The following TTC39C variants were observed in gnomAD, a reference collection of about 807,000 sequenced individuals.
TTC39C encodes tetratricopeptide repeat protein 39C.
TTC39C carries 33 observed loss-of-function variants against 76.3 expected under a neutral mutation model. The ratio of observed to expected loss-of-function variants is 0.43; its 90% confidence interval spans 0.33 to 0.58. The LOEUF (loss-of-function observed/expected upper bound fraction) is 0.58, where lower values mean the gene tolerates loss of function less well. Ranked by LOEUF, TTC39C falls within the 20% of genes least tolerant of loss-of-function variation. The pLI, the probability that TTC39C is intolerant of heterozygous loss-of-function variation, is 0.04. For synonymous variants in TTC39C, 254 were observed against 260.6 expected, an observed-to-expected ratio of 0.97 and a Z score of 0.24; for missense variants, 595 against 701.4, an observed-to-expected ratio of 0.85 and a Z score of 1.71.
In TTC39C at chr18:24,061,593, T is replaced by TAAAAAAA. The variant is rs35502981; in HGVS notation, c.168-2530_168-2524dup. 1.4e-4 allele frequency among the ~76,000 whole-genome samples: 13 copies of TAAAAAAA among 95,780 alleles called. 1 individual carries two copies. The highest frequency in any genetic ancestry group is 3.9e-4 in the Admixed American group (3 of 7,746). 62.8% of individuals were successfully genotyped at this position (95,780 alleles called of 152,430 possible). ...TTAACTTAGGATCACTTGAAATAAG[T>TAAAAAAA]AAAAAAAAAAAAAAAAAAAAAAAGC... On this transcript the variant is annotated intron_variant, in intron 1 of 13. Transcript: ENST00000317571.
At chr18:24,091,338 A>G (rs12455015) in intron 6 of TTC39C, among the ~76,000 whole-genome samples, 2,321 of 152,266 alleles carry the variant, frequency 0.015, 39 homozygotes, top group East Asian at 0.097. Flanking sequence ...GCTATTCAGG[A>G]GGCTGAGGTG....
chr18:24,023,124 A>G (rs1173578035), intron 1 of TTC39C, among the ~76,000 whole-genome samples: 2 of 152,176 alleles, frequency 1.3e-5, no homozygotes, highest in African/African-American at 4.8e-5. Flanking sequence ...TGCAGTCAGC[A>G]AGTGCAGCCC....
At chr18:24,082,776 G>C (rs758044629) in intron 5 of TTC39C, 137 bp from the exon 6 acceptor site, 52 of 872,932 alleles carry the variant, frequency 6.0e-5, no homozygotes, top group Non-Finnish European at 8.3e-5. Context: ...GAAAGTCTCT[G>C]ATTTTACTTC....
chr18:24,093,304 C>T (rs982882146), intron 6 of TTC39C, among the ~76,000 whole-genome samples: 18 of 152,010 alleles, frequency 1.2e-4, no homozygotes, highest in African/African-American at 7.2e-5. Flanking sequence ...ATGGTGAAAC[C>T]CCGTCTCTAC....
At chr18:24,120,580 G>A (rs965491342) in intron 8 of TTC39C, among the ~76,000 whole-genome samples, 1 of 152,010 alleles carries the variant, frequency 6.6e-6, no homozygotes, top group Admixed American at 6.6e-5. Context: ...AACTTTTTTA[G>A]GTGTATGTGT....
chr18:24,004,875 A>C (rs1227869374), intron 1 of TTC39C, among the ~76,000 whole-genome samples: 1 of 152,188 alleles, frequency 6.6e-6, no homozygotes, highest in Non-Finnish European at 1.5e-5. Context: ...ACTCTTTCTC[A>C]TAAGGGGCTC....
intron 6 of TTC39C, among the ~76,000 whole-genome samples, chr18:24,085,704 G>T (rs1389602595): frequency 6.6e-6 from 1 of 152,226 alleles, no homozygotes; most frequent in African/African-American, 2.4e-5. Flanking sequence ...GAGGGTAGGT[G>T]CTAGAACTCC....
At chr18:24,102,336 C>G (rs16940484) in intron 6 of TTC39C, among the ~76,000 whole-genome samples, 1 of 152,006 alleles carries the variant, frequency 6.6e-6, no homozygotes, top group Non-Finnish European at 1.5e-5. Context: ...TATTCATTCA[C>G]GTGGAGATGC....
chr18:24,031,529 C>A (rs968256941), intron 1 of TTC39C, among the ~76,000 whole-genome samples: 19 of 152,156 alleles, frequency 1.2e-4, no homozygotes, highest in African/African-American at 4.6e-4. Context: ...GCTCTTGGCA[C>A]CTCTCTCACC....
In TTC39C at chr18:24,069,101, G is replaced by A. The variant is rs2084204781; in HGVS notation, c.346-56G>A. On this transcript the variant is annotated intron_variant, in intron 3 of 13. Coordinates refer to ENST00000317571, the MANE Select transcript of TTC39C (RefSeq NM_001135993.2). The stretch of plus-strand genomic sequence containing the variant: ...GTACAATAACCTGATACTGTTTGGG[G>A]GAACTGTCGTTGTTATGTGTGATTT... 5 of 1,337,712 alleles carry A rather than the reference G, an allele frequency of 3.7e-6. 1 individual carries two copies. In the South Asian group the frequency reaches 5.9e-5, roughly 16 times the overall value. The allele number at this position is 1,337,712 out of a possible 1,614,324, so 82.9% of individuals were successfully genotyped here. A position where few individuals can be genotyped will look rare whatever the true frequency, so the allele number is the denominator to read the frequency against.
chr18:24,029,187 C>T lies in TTC39C; in HGVS notation c.167+14149C>T, dbSNP rs560712629. Among the ~76,000 whole-genome samples, 14 of 152,198 alleles carry T rather than the reference C, an allele frequency of 9.2e-5. No homozygotes were observed. In the East Asian group the frequency reaches 2.5e-3, roughly 27 times the overall value. ...GTGCGATCTCAGCTCAGTGCAACCT[C>T]TGCCTCCTGAGTTCAAGCGATTCTC... On this transcript the variant is annotated intron_variant, in intron 1 of 13. Transcript: ENST00000317571.
At chr18:24,100,199 AATG>A (rs1156543276) in intron 6 of TTC39C, among the ~76,000 whole-genome samples, 1 of 152,188 alleles carries the variant, frequency 6.6e-6, no homozygotes, top group Admixed American at 6.5e-5. Flanking sequence ...GGTTTTATTA[AATG>A]TTCATTGTGA....
intron 1 of TTC39C, among the ~76,000 whole-genome samples, chr18:23,998,882 G>A (rs2337235): frequency 0.93 from 141,957 of 152,122 alleles, 66,890 homozygotes; most frequent in East Asian, 1. Context: ...CCTGCTGCTC[G>A]GGAACCTGTC....
At chr18:24,018,222 G>A (rs1177593885) in intron 1 of TTC39C, among the ~76,000 whole-genome samples, 1 of 152,186 alleles carries the variant, frequency 6.6e-6, no homozygotes, top group Non-Finnish European at 1.5e-5. Flanking sequence ...ACTTTGAGGT[G>A]TTTTCCCAAA....
chr18:24,027,149 G>A (rs1469377010), intron 1 of TTC39C, among the ~76,000 whole-genome samples: 5 of 152,044 alleles, frequency 3.3e-5, no homozygotes, highest in African/African-American at 7.2e-5. Flanking sequence ...AAAATTAGCC[G>A]AGCGTGGTGG....
chr18:24,080,827 C>CCAAACCTGCT lies in TTC39C; in HGVS notation c.708_717dup (p.Ile240ProfsTer28). On this transcript the variant is annotated frameshift_variant, in exon 5 of 14. Coordinates refer to ENST00000317571, the MANE Select transcript of TTC39C (RefSeq NM_001135993.2). LOFTEE classifies it high-confidence loss of function. ...TCACCTTTGCATATCCATGGTGCCCCCAAACCTGCTCAAAATCATCAACCT... is the reference window on the plus strand; with the variant it reads ...TCACCTTTGCATATCCATGGTGCCCCCAAACCTGCTCAAACCTGCTCAAAATCATCAACCT... The CCAAACCTGCT allele has an allele frequency of 6.2e-7, 1 of 1,614,106 alleles. No homozygotes were observed. The highest frequency in any genetic ancestry group is 8.5e-7 in the Non-Finnish European group (1 of 1,180,012).
In TTC39C at chr18:24,135,441, C is replaced by T. The variant is rs1291166455; in HGVS notation, c.*2867C>T. ...ACAACAAAACCACAGTGTGAGTACACTGTCCCATTAGGTTGACTGAAGTCT... is the reference window on the plus strand; with the variant it reads ...ACAACAAAACCACAGTGTGAGTACATTGTCCCATTAGGTTGACTGAAGTCT... On this transcript the variant is annotated 3_prime_UTR_variant, in exon 14 of 14. Transcript: ENST00000317571. 6.5e-6 allele frequency: 1 copy of T among 153,176 alleles called. No homozygotes were observed. The highest frequency in any genetic ancestry group is 2.4e-5 in the African/African-American group (1 of 41,446). The allele number at this position is 153,176 out of a possible 1,614,324, so 9.5% of individuals were successfully genotyped here. A position where few individuals can be genotyped will look rare whatever the true frequency, so the allele number is the denominator to read the frequency against.
At chr18:24,039,425 G>A (rs190040296) in intron 1 of TTC39C, among the ~76,000 whole-genome samples, 1 of 152,366 alleles carries the variant, frequency 6.6e-6, no homozygotes, top group East Asian at 1.9e-4. Context: ...AGGTGGGTCT[G>A]TGTTCTATGT....
At chr18:24,027,116 A>AC (rs1271893783) in intron 1 of TTC39C, among the ~76,000 whole-genome samples, 1 of 151,830 alleles carries the variant, frequency 6.6e-6, no homozygotes, top group Non-Finnish European at 1.5e-5. Flanking sequence ...ACATGGTGAA[A>AC]CCCCGTCTCT....
Sources: allele counts gnomAD v4.1 joint callset (sites outside exome capture counted in the v4.1 genomes callset), GRCh38; gene constraint gnomAD v4.1.1; transcripts MANE v1.5; gene names NCBI Gene and HGNC (gene_info 2026-07-23, HGNC 2026-07-21).